The following SLC5A5 variants were observed in gnomAD, a reference collection of about 807,000 sequenced individuals.
The protein encoded by SLC5A5 is solute carrier family 5 member 5.
In SLC5A5, 56 loss-of-function variants were observed where a neutral mutation model predicts 68.6. That is an observed-to-expected ratio of 0.82 (90% confidence interval 0.66 to 1.02). The LOEUF is 1.02. SLC5A5 is among the 50% of genes least tolerant of loss of function. The pLI is 0.00. For missense variants in SLC5A5, 807 were observed against 859.8 expected (o/e 0.94, Z 0.77); for synonymous variants, 398 against 373.0 (o/e 1.07, Z -0.77).
Position 17,872,218 on chromosome 19 carries a change from T to TC in SLC5A5, c.-99dup. On this transcript the variant is annotated 5_prime_UTR_variant, in exon 1 of 15. Coordinates refer to ENST00000222248, the MANE Select transcript of SLC5A5 (RefSeq NM_000453.3). Reference sequence around the variant, plus strand: ...AGCGGGGACAGGCTGCCGAGCATCCTCCCACCCGCCCTCCCCGTCCTGCCT... The same window carrying TC: ...AGCGGGGACAGGCTGCCGAGCATCCTCCCCACCCGCCCTCCCCGTCCTGCCT... 4 of 456,250 alleles carry TC rather than the reference T, an allele frequency of 8.8e-6. No homozygotes were observed. Among genetic ancestry groups the TC allele is most frequent in the Non-Finnish European group, 1.3e-5 (3 of 238,854 alleles). 28.3% of individuals were successfully genotyped at this position (456,250 alleles called of 1,614,324 possible).
intron 12 of SLC5A5, 93 bp from the exon 13 acceptor site, chr19:17,888,238 G>T: frequency 1.3e-6 from 2 of 1,487,808 alleles, no homozygotes; most frequent in Non-Finnish European, 1.9e-6. Flanking sequence ...CATGGCAGTT[G>T]GGGGAAGGAA....
rs1484899161 is a variant in SLC5A5 at position 17,878,039 on chromosome 19, G to A, written c.915G>A (p.Val305=). Reference sequence around the variant, plus strand: ...CCTGCTGTGGCATCGTCATGTTTGTGTTCTACACTGACTGCGACCCTCTCC... The same window carrying A: ...CCTGCTGTGGCATCGTCATGTTTGTATTCTACACTGACTGCGACCCTCTCC... ...SAACCGIVMF[V]FYTDCDPLLL... The change falls in exon 7 of 15, where the codon GTG becomes GTA. Residue 305 remains valine, a synonymous_variant. Transcript: ENST00000222248. 1.2e-6 allele frequency: 2 copies of A among 1,613,066 alleles called. No individual in the cohort carries two copies. Among genetic ancestry groups the A allele is most frequent in the African/African-American group, 1.3e-5 (1 of 74,930 alleles).
chr19:17,878,322 T>A (rs1337402259), intron 7 of SLC5A5, among the ~76,000 whole-genome samples: 2 of 151,940 alleles, frequency 1.3e-5, no homozygotes, highest in East Asian at 3.9e-4. Flanking sequence ...CTGGCTAACA[T>A]GGTGAAACCC....
intron 13 of SLC5A5, among the ~76,000 whole-genome samples, chr19:17,888,757 C>T (rs902671655): frequency 1.3e-5 from 2 of 151,558 alleles, no homozygotes; most frequent in Non-Finnish European, 2.9e-5. Context: ...CACAGCCTCC[C>T]GAGTAGCTGG....
intron 7 of SLC5A5, among the ~76,000 whole-genome samples, chr19:17,878,567 G>T (rs2094313072): frequency 6.6e-6 from 1 of 152,086 alleles, no homozygotes; most frequent in Admixed American, 6.6e-5. Context: ...TGGGAAAGGT[G>T]AGTCTGGGAG....
chr19:17,892,121 C>T (rs947359721), intron 14 of SLC5A5, among the ~76,000 whole-genome samples: 14 of 151,976 alleles, frequency 9.2e-5, no homozygotes. Context: ...TGGCAAAACC[C>T]TGTCTCTACT....
At chr19:17,882,341 T>A in intron 10 of SLC5A5, 122 bp downstream of exon 10, 1 of 790,970 alleles carries the variant, frequency 1.3e-6, no homozygotes, top group South Asian at 1.5e-5. Flanking sequence ...CTTCTATGTT[T>A]TTTTTTTTTT....
At chr19:17,890,117 C>T (rs1190819769) in intron 13 of SLC5A5, among the ~76,000 whole-genome samples, 3 of 152,156 alleles carry the variant, frequency 2.0e-5, no homozygotes, top group Non-Finnish European at 4.4e-5. Flanking sequence ...GTCGCCCAGG[C>T]TGGAGTGCAA....
At chr19:17,887,580 C>T (rs898019473) in intron 12 of SLC5A5, among the ~76,000 whole-genome samples, 1 of 150,330 alleles carries the variant, frequency 6.7e-6, no homozygotes, top group African/African-American at 2.5e-5. Context: ...GCCAACATGC[C>T]TGGCCAGAAG....
intron 5 of SLC5A5, among the ~76,000 whole-genome samples, chr19:17,876,875 A>C (rs2094308730): frequency 6.6e-6 from 1 of 151,584 alleles, no homozygotes. Flanking sequence ...CTAAAAAAAA[A>C]AAAAATTAGC....
At chr19:17,877,621 C>A in intron 5 of SLC5A5, 102 bp from the exon 6 acceptor site, 2 of 1,472,988 alleles carry the variant, frequency 1.4e-6, no homozygotes, top group Non-Finnish European at 9.3e-7. Flanking sequence ...AAAACCCACT[C>A]CAAATGTCCC....
chr19:17,874,357 C>G lies in SLC5A5; in HGVS notation c.424-137C>G, dbSNP rs538329880. ...CAGTCCCCTCCCACACCACAGCCGG[C>G]CTGACCCCGCCTGCACTCTGGAAGA... On this transcript the variant is annotated intron_variant, in intron 2 of 14. Transcript: ENST00000222248. The G allele has an allele frequency of 8.3e-4, 810 of 980,192 alleles. 2 individuals are homozygous for G. Among genetic ancestry groups the G allele is most frequent in the Non-Finnish European group, 1.2e-3 (728 of 619,492 alleles). 60.7% of individuals were successfully genotyped at this position (980,192 alleles called of 1,614,324 possible).
chr19:17,889,677 A>G (rs2030087385), intron 13 of SLC5A5, among the ~76,000 whole-genome samples: 1 of 152,026 alleles, frequency 6.6e-6, no homozygotes, highest in Non-Finnish European at 1.5e-5. Context: ...TTTCTTGACA[A>G]CCCTGCACCT....
intron 12 of SLC5A5, among the ~76,000 whole-genome samples, chr19:17,887,702 A>G (rs1309062145): frequency 6.8e-6 from 1 of 147,004 alleles, no homozygotes; most frequent in Non-Finnish European, 1.5e-5. Context: ...GGTTCATGCC[A>G]TTCTCCTGCC....
rs190973417 is a variant in SLC5A5, at chr19:17,885,311, G to A, written c.1526+1265G>A. Among the ~76,000 whole-genome samples the A allele has an allele frequency of 3.2e-3, 483 of 149,400 alleles. 11 individuals carry two copies. The highest frequency in any genetic ancestry group is 0.03 in the Admixed American group (447 of 15,108). ...CAGGTGTGGGCACCCAGCCAACCAA[G>A]AACATTTTCTGTTTTGTTTATTTAT... On this transcript the variant is annotated intron_variant, in intron 12 of 14. Transcript: ENST00000222248.
chr19:17,875,451 AT>A (rs888923719), intron 4 of SLC5A5, among the ~76,000 whole-genome samples: 5 of 151,640 alleles, frequency 3.3e-5, no homozygotes, highest in African/African-American at 1.2e-4. Flanking sequence ...CATATTCCAA[AT>A]CTTTTTCACT....
At chr19:17,872,927 G>A (rs777399830) in intron 1 of SLC5A5, among the ~76,000 whole-genome samples, 3 of 152,332 alleles carry the variant, frequency 2.0e-5, no homozygotes, top group African/African-American at 7.2e-5. Context: ...CGCGCGGGGC[G>A]GGGCCCGGCT....
chr19:17,889,130 C>T (rs2030052587), intron 13 of SLC5A5, among the ~76,000 whole-genome samples: 2 of 151,912 alleles, frequency 1.3e-5, no homozygotes, highest in Admixed American at 1.3e-4. Context: ...GGCGTAGTGG[C>T]TCATGCCTGT....
intron 13 of SLC5A5, among the ~76,000 whole-genome samples, chr19:17,890,153 C>G (rs2030108846): frequency 6.6e-6 from 1 of 152,114 alleles, no homozygotes; most frequent in Non-Finnish European, 1.5e-5. Flanking sequence ...TCACTGCAAC[C>G]TCTGACTCCC....
Sources: gnomAD v4.1 joint callset for allele counts (sites outside exome capture counted in the v4.1 genomes callset) on GRCh38, gnomAD v4.1.1 for gene constraint, MANE v1.5 for transcripts, NCBI Gene and HGNC (gene_info 2026-07-23, HGNC 2026-07-21) for gene names.